The following WDPCP variants were observed in gnomAD, a reference collection of about 807,000 sequenced individuals.
WDPCP encodes the protein WD repeat-containing and planar cell polarity effector protein fritz homolog.
Under a neutral mutation model 93.1 loss-of-function variants are expected in WDPCP, and 71 were observed. The observed-to-expected ratio is 0.76, with a 90% CI of 0.63 to 0.93. The LOEUF (loss-of-function observed/expected upper bound fraction) is 0.93. Among genes scored for constraint, WDPCP ranks in the 40% least tolerant of loss-of-function variants. WDPCP has a pLI of 0.00. For missense variants in WDPCP, 844 were observed against 887.4 expected (o/e 0.95, Z 0.62); for synonymous variants, 315 against 315.0 (o/e 1.00, Z 0.00).
In WDPCP at chr2:63,124,388, G is replaced by C. The variant is rs191052615; in HGVS notation, c.2191-2332C>G. On this transcript the variant is annotated intron_variant, in intron 17 of 17. Transcript: ENST00000272321. ...TGTAGTAATTTTACAGCAACGAAAGGGTTTTCCCCAGTCCCTCATTGCTTT... is the reference window on the plus strand; with the variant it reads ...TGTAGTAATTTTACAGCAACGAAAGCGTTTTCCCCAGTCCCTCATTGCTTT... 5.3e-5 allele frequency among the ~76,000 whole-genome samples: 8 copies of C among 152,058 alleles called. No individual in the cohort carries two copies. In the East Asian group the frequency reaches 1.5e-3, roughly 29 times the overall value.
intron 2 of WDPCP, among the ~76,000 whole-genome samples, chr2:63,677,634 A>C (rs1710440280): frequency 6.6e-6 from 1 of 152,214 alleles, no homozygotes; most frequent in African/African-American, 2.4e-5. Context: ...GAAATAGGAA[A>C]GTCAGAATAA....
chr2:63,718,291 T>A (rs1456389890), intron 2 of WDPCP, among the ~76,000 whole-genome samples: 1 of 152,194 alleles, frequency 6.6e-6, no homozygotes, highest in Admixed American at 6.5e-5. Flanking sequence ...GATTGCTGGA[T>A]CAAGGGGTAG....
chr2:63,806,071 G>A lies in WDPCP; in HGVS notation n.308+7551C>T, dbSNP rs148115424. 2.0e-3 allele frequency among the ~76,000 whole-genome samples: 297 copies of A among 152,188 alleles called. 1 individual carries two copies. Among genetic ancestry groups the A allele is most frequent in the African/African-American group, 4.6e-3 (191 of 41,502 alleles). The stretch of plus-strand genomic sequence containing the variant: ...GTAGGTTGCAGTGATTCAGGATTGC[G>A]CCACTGCACTCCAGCCTGGGTGACA... On this transcript the variant is annotated intron_variant and non_coding_transcript_variant, in intron 2 of 4. Coordinates refer to the WDPCP transcript ENST00000467687.
chr2:63,753,616 G>A (rs1294005013), intron 2 of WDPCP, among the ~76,000 whole-genome samples: 1 of 152,154 alleles, frequency 6.6e-6, no homozygotes, highest in African/African-American at 2.4e-5. Flanking sequence ...ATAGCAGGAG[G>A]AAGAGTGAGA....
intron 12 of WDPCP, among the ~76,000 whole-genome samples, chr2:63,323,067 G>C (rs1306444521): frequency 1.3e-5 from 2 of 152,202 alleles, no homozygotes; most frequent in Non-Finnish European, 2.9e-5. Flanking sequence ...ACTGAGCCCA[G>C]GGTCGACAGA....
At chr2:63,492,324 A>G (rs1246086234) in intron 2 of WDPCP, among the ~76,000 whole-genome samples, 1 of 152,186 alleles carries the variant, frequency 6.6e-6, no homozygotes, top group African/African-American at 2.4e-5. Flanking sequence ...GTGAAAAACA[A>G]AGAACATGAA....
intron 6 of WDPCP, among the ~76,000 whole-genome samples, chr2:63,458,061 T>C (rs1286840671): frequency 6.6e-6 from 1 of 151,166 alleles, no homozygotes; most frequent in Admixed American, 6.6e-5. Context: ...GAGGCCAAGG[T>C]TGCAGTAAGC....
intron 2 of WDPCP, among the ~76,000 whole-genome samples, chr2:63,656,866 T>C (rs1019351701): frequency 6.6e-6 from 1 of 152,198 alleles, no homozygotes; most frequent in African/African-American, 2.4e-5. Context: ...GTCTGCCTTT[T>C]AAGACAAGAG....
intron 2 of WDPCP, among the ~76,000 whole-genome samples, chr2:63,775,555 CCATGTATA>C (rs1289512609): frequency 1.3e-5 from 2 of 152,168 alleles, no homozygotes; most frequent in Non-Finnish European, 2.9e-5. Context: ...TGCTCAGAGT[CCATGTATA>C]CATCATTAAA....
Position 63,813,252 on chromosome 2 carries a change from T to C in WDPCP, n.308+370A>G, listed in dbSNP as rs137965964. 6.0e-3 allele frequency among the ~76,000 whole-genome samples: 920 copies of C among 152,104 alleles called. 13 individuals are homozygous for C. The highest frequency in any genetic ancestry group is 0.021 in the African/African-American group (863 of 41,472). On this transcript the variant is annotated intron_variant and non_coding_transcript_variant, in intron 2 of 4. Coordinates refer to the WDPCP transcript ENST00000467687. ...ATGGTGAAGGCCTAAACCAGAAAAA[T>C]AGCAGTGCCATTTACCAAGTTAGGA...
At chr2:63,419,934 A>G (rs1695719122) in intron 9 of WDPCP, among the ~76,000 whole-genome samples, 1 of 152,138 alleles carries the variant, frequency 6.6e-6, no homozygotes, top group African/African-American at 2.4e-5. Flanking sequence ...ATTTTTTGCT[A>G]TTACAATCAT....
At chr2:63,328,853 AGTAGGCTG>A (rs1178866018) in intron 12 of WDPCP, among the ~76,000 whole-genome samples, 1 of 152,126 alleles carries the variant, frequency 6.6e-6, no homozygotes, top group Non-Finnish European at 1.5e-5. Flanking sequence ...CAGCCTCCTG[AGTAGGCTG>A]GGGCTACAGG....
intron 9 of WDPCP, among the ~76,000 whole-genome samples, chr2:63,406,998 G>C (rs1353447706): frequency 6.6e-6 from 1 of 152,076 alleles, no homozygotes; most frequent in African/African-American, 2.4e-5. Flanking sequence ...CCGTTATTTG[G>C]GGGTAGCACT....
chr2:63,506,394 T>C (rs1414748436), intron 1 of WDPCP, among the ~76,000 whole-genome samples: 1 of 151,616 alleles, frequency 6.6e-6, no homozygotes, highest in East Asian at 1.9e-4. Flanking sequence ...TGAGCACATG[T>C]AGTTATTTGC....
intron 2 of WDPCP, among the ~76,000 whole-genome samples, chr2:63,806,271 G>C (rs1225820936): frequency 6.6e-6 from 1 of 152,136 alleles, no homozygotes; most frequent in Non-Finnish European, 1.5e-5. Context: ...AGGCGTCCGG[G>C]GGGGACATCA....
intron 12 of WDPCP, among the ~76,000 whole-genome samples, chr2:63,343,882 T>C (rs1689015609): frequency 6.6e-6 from 1 of 152,142 alleles, no homozygotes; most frequent in South Asian, 2.1e-4. Flanking sequence ...AATTTCTATC[T>C]CTTCATTGAT....
intron 9 of WDPCP, among the ~76,000 whole-genome samples, chr2:63,424,355 C>T (rs1050197118): frequency 2.6e-5 from 4 of 151,974 alleles, no homozygotes; most frequent in Non-Finnish European, 4.4e-5. Flanking sequence ...TAGTTCTATC[C>T]CCCAACTGAC....
chr2:63,272,542 T>A (rs901726187), intron 13 of WDPCP, among the ~76,000 whole-genome samples: 4 of 152,046 alleles, frequency 2.6e-5, no homozygotes, highest in Non-Finnish European at 4.4e-5. Flanking sequence ...GGATTCAAAA[T>A]AAAAATGTTA....
rs577994194 is a variant in WDPCP, at chr2:63,569,905, C to T, written c.75+18292G>A. Among the ~76,000 whole-genome samples, 4 of 152,308 alleles carry T rather than the reference C, an allele frequency of 2.6e-5. No homozygotes were observed. The South Asian group carries it at 8.3e-4, about 32-fold the overall frequency. On this transcript the variant is annotated intron_variant, in intron 1 of 17. Coordinates refer to ENST00000272321, the MANE Select transcript of WDPCP (RefSeq NM_015910.7). ...GTTTTAAAACACCTTCAGACTCTCT[C>T]ATATGCTTTGAACCCTGAGTACCTA...
Sources: gnomAD v4.1 joint callset for allele counts (sites outside exome capture counted in the v4.1 genomes callset) on GRCh38, gnomAD v4.1.1 for gene constraint, MANE v1.5 for transcripts, NCBI Gene and HGNC (gene_info 2026-07-23, HGNC 2026-07-21) for gene names.